Variants in H2BC18 observed in about 807,000 individuals in gnomAD.
H2BC18 encodes H2B clustered histone 18, also known as histone H2B type 2-F.
Under a neutral mutation model 6.3 loss-of-function variants are expected in H2BC18, and 8 were observed. The ratio of observed to expected loss-of-function variants is 1.28; its 90% CI spans 0.75 to 2.31. The LOEUF is 2.31. Ranked by LOEUF, H2BC18 falls within the 30% of genes most tolerant of loss-of-function variation. The pLI, the probability that H2BC18 is intolerant of heterozygous loss-of-function variation, is 0.00. For missense variants in H2BC18, 106 were observed against 174.5 expected (o/e 0.61, Z 2.21); for synonymous variants, 104 against 78.1 (o/e 1.33, Z -1.75).
chr1:149,793,776 G>T (rs868982995), intron 1 of H2BC18, among the ~76,000 whole-genome samples: 13 of 151,888 alleles, frequency 8.6e-5, no homozygotes, highest in Non-Finnish European at 1.6e-4. Flanking sequence ...TCATCCTAGG[G>T]CCACAAGAGC....
chr1:149,791,642 T>C (rs2091717711), intron 1 of H2BC18: 3 of 1,490,194 alleles, frequency 2.0e-6, no homozygotes, highest in Non-Finnish European at 2.7e-6. Flanking sequence ...TATGTAACTC[T>C]TAAAGCAAAT....
chr1:149,805,387 T>C (rs1231141866), intron 1 of H2BC18: 2 of 152,178 alleles, frequency 1.3e-5, no homozygotes, highest in African/African-American at 2.4e-5. Context: ...CCTTGACTTT[T>C]AGGAGATTCC....
At position 149,812,015 on chromosome 1, in the gene H2BC18, C is replaced by G. The variant is rs1228445487; in HGVS notation, c.309G>C (p.Leu103=). 2 of 1,614,046 alleles carry G rather than the reference C, an allele frequency of 1.2e-6. No homozygotes were observed. The highest frequency in any genetic ancestry group is 1.7e-6 in the Non-Finnish European group (2 of 1,180,026). ...CGGCGTGCTTGGCCAGCTCGCCGGG[C>G]AGCAGCAGGCGCACGGCCGTCTGGA... is the stretch of plus-strand genomic sequence containing the variant. ...REIQTAVRLL[L]PGELAKHAVS... Residue 103 remains leucine (L), a synonymous_variant, in exon 1 of 1, where the codon CTG becomes CTC. Coordinates refer to ENST00000369167, the MANE Select transcript of H2BC18 (RefSeq NM_001024599.5).
At chr1:149,784,683 G>A (rs1185622884) in intron 1 of H2BC18, among the ~76,000 whole-genome samples, 1 of 134,384 alleles carries the variant, frequency 7.4e-6, no homozygotes, top group East Asian at 2.2e-4. Flanking sequence ...GTATATATTA[G>A]CATTATTATA....
chr1:149,807,603 C>T (rs1462776668), downstream of H2BC18, among the ~76,000 whole-genome samples: 6 of 147,154 alleles, frequency 4.1e-5, no homozygotes, highest in South Asian at 6.4e-4. Context: ...GTTGGGAGTT[C>T]GAGACCAGCC....
At chr1:149,789,104 C>T (rs1232612859) in intron 1 of H2BC18, among the ~76,000 whole-genome samples, 1 of 151,590 alleles carries the variant, frequency 6.6e-6, no homozygotes, top group Non-Finnish European at 1.5e-5. Context: ...TGCATATGGC[C>T]TTGTTCTGAC....
In H2BC18 at chr1:149,790,445, T is replaced by C. The variant is rs587741758; in HGVS notation, c.378-7185A>G. The stretch of plus-strand genomic sequence containing the variant: ...TTTTGGCCCAGACAGGAGGGGAAAG[T>C]CTCTTCAGGAAAAGCCCACAAGCAG... On this transcript the variant is annotated intron_variant, in intron 1 of 1. Coordinates refer to the H2BC18 transcript ENST00000545683. 27 of 1,535,208 alleles carry C rather than the reference T, an allele frequency of 1.8e-5. No homozygotes were observed. In the African/African-American group the frequency reaches 2.6e-4, roughly 15 times the overall value.
In H2BC18 at chr1:149,799,485, C is replaced by T. The variant is rs200516193; in HGVS notation, c.377+12462G>A. ...GCATTTAGATCCTGTGAAATATCCTCCTTTTATTCCTTTATTTTCTCATGA... is the reference window on the plus strand; with the variant it reads ...GCATTTAGATCCTGTGAAATATCCTTCTTTTATTCCTTTATTTTCTCATGA... On this transcript the variant is annotated intron_variant, in intron 1 of 1. Coordinates refer to the H2BC18 transcript ENST00000545683. 7.7e-4 allele frequency among the ~76,000 whole-genome samples: 117 copies of T among 151,678 alleles called. 3 individuals are homozygous for T. In the East Asian group the frequency reaches 0.021, roughly 27 times the overall value.
At chr1:149,789,874 C>T (rs587762602) in intron 1 of H2BC18, among the ~76,000 whole-genome samples, 1 of 152,278 alleles carries the variant, frequency 6.6e-6, no homozygotes, top group East Asian at 1.9e-4. Flanking sequence ...AAGCTGGCAA[C>T]CCTAATTATG....
rs587670228 is a variant in H2BC18, at chr1:149,789,379, C to A, written c.378-6119G>T. On this transcript the variant is annotated intron_variant, in intron 1 of 1. Coordinates refer to the H2BC18 transcript ENST00000545683. ...CTGCACTCCAGCCTGGGCAACAGAG[C>A]GAGACTACGTCTCAAATAATAATAA... 4.3e-5 allele frequency among the ~76,000 whole-genome samples: 6 copies of A among 138,418 alleles called. No individual in the cohort carries two copies. In the East Asian group the frequency reaches 1.2e-3, roughly 28 times the overall value. 90.8% of individuals were successfully genotyped at this position (138,418 alleles called of 152,430 possible). A position where few individuals can be genotyped will look rare whatever the true frequency, so the allele number is the denominator to read the frequency against.
intron 1 of H2BC18, among the ~76,000 whole-genome samples, chr1:149,796,387 C>T (rs1372699695): frequency 6.6e-6 from 1 of 152,156 alleles, no homozygotes; most frequent in Admixed American, 6.5e-5. Context: ...ATGTGGTATT[C>T]TCTGAGAAGA....
intron 1 of H2BC18, among the ~76,000 whole-genome samples, chr1:149,802,848 G>A (rs1481658089): frequency 6.6e-6 from 1 of 152,150 alleles, no homozygotes. Flanking sequence ...ATCCAGCACA[G>A]GAGAGGGATG....
rs587758461 is a variant in H2BC18, at chr1:149,784,428, T to G, written c.378-1168A>C. 5.9e-5 allele frequency among the ~76,000 whole-genome samples: 9 copies of G among 152,242 alleles called. No homozygotes were observed. The South Asian group carries it at 1.7e-3, about 28-fold the overall frequency. On this transcript the variant is annotated intron_variant, in intron 1 of 1. Coordinates refer to the H2BC18 transcript ENST00000545683. Reference sequence around the variant, plus strand: ...TACTCAAAACATCACAGCAGGGTCCTTAAACTGTGTACCAACAGTACCTCA... The same window carrying G: ...TACTCAAAACATCACAGCAGGGTCCGTAAACTGTGTACCAACAGTACCTCA...
intron 1 of H2BC18, chr1:149,792,873 CCGAGT>C (rs371458276): frequency 0.08 from 100,558 of 1,263,080 alleles, 9,843 homozygotes; most frequent in East Asian, 0.41. Flanking sequence ...TCCCATTCGC[CCGAGT>C]CAAGGGGCGG....
chr1:149,799,394 T>C (rs2091836684), intron 1 of H2BC18, among the ~76,000 whole-genome samples: 1 of 152,368 alleles, frequency 6.6e-6, no homozygotes, highest in East Asian at 1.9e-4. Flanking sequence ...TGAATCTAGG[T>C]GAGGGTCCTT....
chr1:149,803,254 G>A (rs1192287583), intron 1 of H2BC18, among the ~76,000 whole-genome samples: 1 of 151,942 alleles, frequency 6.6e-6, no homozygotes, highest in East Asian at 1.9e-4. Context: ...CAAGACTTGT[G>A]CAAAATCAAA....
chr1:149,804,827 C>T (rs1367887171), intron 1 of H2BC18, among the ~76,000 whole-genome samples: 3 of 151,792 alleles, frequency 2.0e-5, no homozygotes, highest in African/African-American at 4.8e-5. Flanking sequence ...ACAGTCCTTA[C>T]GTGGGGAAGC....
intron 1 of H2BC18, chr1:149,786,802 G>A (rs1405052948): frequency 2.0e-5 from 3 of 152,058 alleles, no homozygotes; most frequent in Admixed American, 6.5e-5. Flanking sequence ...ATGTTTTTTG[G>A]AGGGTAGTTT....
chr1:149,812,366 G>C lies in H2BC18; in HGVS notation c.-43C>G, dbSNP rs374235338. 3 of 1,613,632 alleles carry C rather than the reference G, an allele frequency of 1.9e-6. No homozygotes were observed. The highest frequency in any genetic ancestry group is 1.1e-5 in the South Asian group (1 of 91,060). ...GAAAAGAGACTTAAAGAAGTAATCC[G>C]AACTACCGCAAAACGGGCTGGTTAT... is the stretch of plus-strand genomic sequence containing the variant. On this transcript the variant is annotated 5_prime_UTR_variant, in exon 1 of 1. Transcript: ENST00000369167.
Sources: allele counts gnomAD v4.1 joint callset (sites outside exome capture counted in the v4.1 genomes callset), GRCh38; gene constraint gnomAD v4.1.1; transcripts MANE v1.5; gene names NCBI Gene and HGNC (gene_info 2026-07-23, HGNC 2026-07-21).